Variants in DHX57 observed in about 807,000 individuals in gnomAD.
DHX57 encodes the protein DExH-box helicase 57.
In DHX57, 105 loss-of-function variants were observed where a neutral mutation model predicts 156.2. The ratio of observed to expected loss-of-function variants is 0.67; its 90% confidence interval spans 0.57 to 0.79. DHX57 has a LOEUF of 0.79. Among genes scored for constraint, DHX57 ranks in the 30% least tolerant of loss-of-function variants. DHX57 has a pLI of 0.00. For missense variants in DHX57, 1,847 were observed against 1,661.9 expected (o/e 1.11, Z -1.94); for synonymous variants, 704 against 595.6 (o/e 1.18, Z -2.65).
At chr2:38,800,095 G>T (rs1026570235) in intron 23 of DHX57, among the ~76,000 whole-genome samples, 4 of 150,612 alleles carry the variant, frequency 2.7e-5, no homozygotes, top group Non-Finnish European at 5.9e-5. Context: ...TGAGGCAGGA[G>T]AATCGCTTGA....
chr2:38,847,088 A>C lies in DHX57; in HGVS notation c.2165-15T>G. On this transcript the variant is annotated splice_polypyrimidine_tract_variant and intron_variant, in intron 10 of 23. Coordinates refer to ENST00000457308, the MANE Select transcript of DHX57 (RefSeq NM_198963.3). Reference sequence around the variant, plus strand: ...AAATGTACGACCTAGAAAAACAAGGAGACAAAATAGAAAGCCTGAGAACAC... The same window carrying C: ...AAATGTACGACCTAGAAAAACAAGGCGACAAAATAGAAAGCCTGAGAACAC... 1 of 1,609,598 alleles carries C rather than the reference A, an allele frequency of 6.2e-7. No homozygotes were observed. Among genetic ancestry groups the C allele is most frequent in the Middle Eastern group, 1.7e-4 (1 of 6,054 alleles).
chr2:38,863,938 G>C (rs1440134228), intron 2 of DHX57, among the ~76,000 whole-genome samples: 1 of 152,026 alleles, frequency 6.6e-6, no homozygotes, highest in Admixed American at 6.6e-5. Flanking sequence ...ACTTGAACTT[G>C]GAGGTAGAGG....
At chr2:38,827,562 A>G (rs1343305571) in intron 14 of DHX57, among the ~76,000 whole-genome samples, 1 of 146,334 alleles carries the variant, frequency 6.8e-6, no homozygotes, top group African/African-American at 2.5e-5. Flanking sequence ...ACACATACAC[A>G]CACACACACA....
chr2:38,811,721 C>G lies in DHX57; in HGVS notation c.3681+2100G>C, dbSNP rs896291177. The G allele has an allele frequency of 2.1e-5, 14 of 676,194 alleles. No individual in the cohort carries two copies. The African/African-American group carries it at 2.5e-4, about 12-fold the overall frequency. 41.9% of individuals were successfully genotyped at this position (676,194 alleles called of 1,614,324 possible). A position where few individuals can be genotyped will look rare whatever the true frequency, so the allele number is the denominator to read the frequency against. ...TGTCTTCATGGCTCAGTGAACCACT[C>G]GGGGCCTGGGGAGCAAAGGCAGGCA... is the stretch of plus-strand genomic sequence containing the variant. On this transcript the variant is annotated intron_variant, in intron 21 of 23. Coordinates refer to ENST00000457308, the MANE Select transcript of DHX57 (RefSeq NM_198963.3).
Position 38,868,384 on chromosome 2 carries a change from T to G in DHX57, c.22A>C (p.Lys8Gln). The G allele has an allele frequency of 1.9e-6, 3 of 1,613,396 alleles. No individual in the cohort carries two copies. Among genetic ancestry groups the G allele is most frequent in the Non-Finnish European group, 2.5e-6 (3 of 1,180,022 alleles). ...CCACCTCCTTTGCCTGGCTTGCCTT[T>G]TCTTCTTACTGAAGAACTCATTTTC... MSSSVRR[K>Q]GKPGKGGGKG... Residue 8 changes from lysine to glutamine, a missense_variant, in exon 2 of 24, where the codon AAA becomes CAA. Physicochemically the swap from Lys to Gln is moderately conservative, Grantham distance 53 (BLOSUM62 1). Coordinates refer to ENST00000457308, the MANE Select transcript of DHX57 (RefSeq NM_198963.3).
chr2:38,804,265 T>C (rs932482137), intron 22 of DHX57, among the ~76,000 whole-genome samples: 1 of 152,084 alleles, frequency 6.6e-6, no homozygotes, highest in Non-Finnish European at 1.5e-5. Flanking sequence ...CTGAGGCAGG[T>C]GGATCACCTG....
At position 38,855,552 on chromosome 2, in the gene DHX57, A is replaced by C. The variant is rs79626316; in HGVS notation, c.1710-300T>G. On this transcript the variant is annotated intron_variant, in intron 7 of 23. Transcript: ENST00000457308. ...CTAGGAACGTAAACTCTACACATGAACCCCAAAGAAAAGGAGTATTAGCTT... is the reference window on the plus strand; with the variant it reads ...CTAGGAACGTAAACTCTACACATGACCCCCAAAGAAAAGGAGTATTAGCTT... Among the ~76,000 whole-genome samples, 462 of 152,234 alleles carry C rather than the reference A, an allele frequency of 3.0e-3. 14 individuals are homozygous for C. The East Asian group carries it at 0.062, about 20-fold the overall frequency.
chr2:38,843,769 G>C (rs1330232380), intron 11 of DHX57, among the ~76,000 whole-genome samples: 6 of 152,178 alleles, frequency 3.9e-5, no homozygotes, highest in Non-Finnish European at 8.8e-5. Context: ...TTTGAGTTCT[G>C]TCTGCCACTA....
At chr2:38,809,680 A>T (rs1007609082) in intron 21 of DHX57, among the ~76,000 whole-genome samples, 1 of 151,516 alleles carries the variant, frequency 6.6e-6, no homozygotes, top group African/African-American at 2.4e-5. Context: ...GGCCAGGCTG[A>T]TCTTGAACTC....
rs755789531 is a variant in DHX57 at position 38,861,456 on chromosome 2, T to C, written c.954A>G (p.Lys318=). ...YLKGNCKFGS[K]CRFKHEVPPN... ...GGGGCACTTCATGTTTGAATCTGCA[T>C]TTTGATCCAAATTTACAATTTCCTT... Residue 318 remains lysine (K), a synonymous_variant, in exon 5 of 24, where the codon AAA becomes AAG. Transcript: ENST00000457308. The C allele has an allele frequency of 6.2e-7, 1 of 1,614,088 alleles. No individual in the cohort carries two copies. Among genetic ancestry groups the C allele is most frequent in the East Asian group, 2.2e-5 (1 of 44,884 alleles).
chr2:38,809,281 G>A (rs1670113492), intron 21 of DHX57, among the ~76,000 whole-genome samples: 1 of 151,490 alleles, frequency 6.6e-6, no homozygotes, highest in Non-Finnish European at 1.5e-5. Flanking sequence ...CACCGTGCCT[G>A]GCTAATTAAA....
chr2:38,841,091 G>A (rs1408098003), intron 12 of DHX57, among the ~76,000 whole-genome samples: 2 of 152,284 alleles, frequency 1.3e-5, no homozygotes, highest in African/African-American at 4.8e-5. Context: ...CCAAAGTGTT[G>A]GGATTATAGG....
intron 22 of DHX57, among the ~76,000 whole-genome samples, chr2:38,805,354 C>G (rs934695617): frequency 1.6e-4 from 24 of 151,986 alleles, no homozygotes; most frequent in African/African-American, 4.8e-4. Context: ...ATAGGAAGGG[C>G]CATGTAAGGA....
intron 9 of DHX57, among the ~76,000 whole-genome samples, chr2:38,851,485 TTTTCC>T (rs1672592629): frequency 6.6e-6 from 1 of 152,250 alleles, no homozygotes; most frequent in African/African-American, 2.4e-5. Context: ...ATTCCCCTAC[TTTTCC>T]TTGTAATTTG....
chr2:38,836,715 A>G (rs1671678684), intron 13 of DHX57, among the ~76,000 whole-genome samples: 2 of 149,294 alleles, frequency 1.3e-5, no homozygotes, highest in East Asian at 3.9e-4. Flanking sequence ...AAGAGGTTAC[A>G]GTGAGCTGAC....
chr2:38,862,202 A>G lies in DHX57; in HGVS notation c.515T>C (p.Val172Ala). The G allele has an allele frequency of 6.2e-7, 1 of 1,613,786 alleles. No homozygotes were observed. Among genetic ancestry groups the G allele is most frequent in the Non-Finnish European group, 8.5e-7 (1 of 1,179,756 alleles). ...TGTAAATTCTGGAACATAAGGCTCC[A>G]CTGAGGCTAAGCCAGCATATTCCAA... ...DPLEYAGLAS[V>A]EPYVPEFTVS... The change falls in exon 4 of 24, where the codon GTG (valine) becomes GCG (alanine). Residue 172 changes from valine to alanine, a missense_variant. Val to Ala is a moderately conservative substitution (Grantham distance 64). Transcript: ENST00000457308.
intron 13 of DHX57, among the ~76,000 whole-genome samples, chr2:38,832,661 T>G (rs1044517070): frequency 4.0e-5 from 6 of 151,602 alleles, no homozygotes; most frequent in Non-Finnish European, 8.8e-5. Flanking sequence ...CTCTCCTGCC[T>G]CAGCCTCCCA....
rs1669458275 is a variant in DHX57 at position 38,797,802 on chromosome 2, C to T, written c.*497G>A. 1.3e-5 allele frequency: 2 copies of T among 156,396 alleles called. No individual in the cohort carries two copies. Among genetic ancestry groups the T allele is most frequent in the Non-Finnish European group, 2.9e-5 (2 of 68,204 alleles). 9.7% of individuals were successfully genotyped at this position (156,396 alleles called of 1,614,324 possible). ...TCAAGTTTACTCAGTAGCCAATAGC[C>T]TAAAATGAAATTTTAATTTTGCTTG... is the stretch of plus-strand genomic sequence containing the variant. On this transcript the variant is annotated 3_prime_UTR_variant, in exon 24 of 24. Transcript: ENST00000457308.
At chr2:38,863,328 A>G (rs1341855883) in intron 3 of DHX57, 33 bp downstream of exon 3, 2 of 1,592,834 alleles carry the variant, frequency 1.3e-6, no homozygotes, top group East Asian at 4.5e-5. Context: ...TGTTTTCCTT[A>G]ATATAATAAT....
Sources: gnomAD v4.1 joint callset for allele counts (sites outside exome capture counted in the v4.1 genomes callset) on GRCh38, gnomAD v4.1.1 for gene constraint, MANE v1.5 for transcripts, NCBI Gene and HGNC (gene_info 2026-07-23, HGNC 2026-07-21) for gene names.